CA3: variants seen among roughly 807,000 people sequenced by gnomAD.
The protein encoded by CA3 is CA-III.
In CA3, 30 loss-of-function variants were observed where a neutral mutation model predicts 35.7. That is an observed-to-expected ratio of 0.84 (90% CI 0.63 to 1.14). CA3 has a LOEUF of 1.14. Ranked by LOEUF, CA3 falls within the 50% of genes most tolerant of loss-of-function variation. The pLI is 0.00. For synonymous variants in CA3, 131 were observed against 130.8 expected (o/e 1.00, Z -0.01); for missense variants, 295 against 328.5 (o/e 0.90, Z 0.79).
At chr8:85,441,757 G>C in intron 2 of CA3, 1 of 315,442 alleles carries the variant, frequency 3.2e-6, no homozygotes, top group South Asian at 3.3e-5. Flanking sequence ...CCACACTACT[G>C]ACTTGTTCTT....
chr8:85,446,337 T>G (rs767377955), intron 6 of CA3, 40 bp downstream of exon 6: 29 of 1,591,522 alleles, frequency 1.8e-5, no homozygotes, highest in Non-Finnish European at 2.4e-5. Flanking sequence ...TGTTGCTGTC[T>G]GCCTATGTAA....
At chr8:85,440,174 T>C (rs771491606) in intron 2 of CA3, among the ~76,000 whole-genome samples, 1 of 152,180 alleles carries the variant, frequency 6.6e-6, no homozygotes, top group Non-Finnish European at 1.5e-5. Flanking sequence ...TGGAACACGA[T>C]AGGACAGAGA....
chr8:85,444,505 AG>A (rs1188643242), intron 4 of CA3, among the ~76,000 whole-genome samples: 1 of 152,166 alleles, frequency 6.6e-6, no homozygotes, highest in African/African-American at 2.4e-5. Context: ...CAGAAAAGTC[AG>A]TGTTGGGAAC....
intron 6 of CA3, among the ~76,000 whole-genome samples, chr8:85,447,639 T>A (rs1325377686): frequency 6.6e-6 from 1 of 152,258 alleles, no homozygotes; most frequent in Non-Finnish European, 1.5e-5. Flanking sequence ...GCTTAACGCC[T>A]GTAATCCCAG....
Position 85,448,219 on chromosome 8 carries a change from C to T in CA3, c.*66C>T, listed in dbSNP as rs2130513212. ...ATTGGAGAGCTTGGTTCCTTGCCTCCTTCTGGTGCTCCTTACTCCAAGTCT... is the reference window on the plus strand; with the variant it reads ...ATTGGAGAGCTTGGTTCCTTGCCTCTTTCTGGTGCTCCTTACTCCAAGTCT... On this transcript the variant is annotated 3_prime_UTR_variant, in exon 7 of 7. Transcript: ENST00000285381. 3 of 1,458,576 alleles carry T rather than the reference C, an allele frequency of 2.1e-6. No individual in the cohort carries two copies. The highest frequency in any genetic ancestry group is 2.7e-6 in the Non-Finnish European group (3 of 1,096,592). 90.4% of individuals were successfully genotyped at this position (1,458,576 alleles called of 1,614,324 possible). A position where few individuals can be genotyped will look rare whatever the true frequency, so the allele number is the denominator to read the frequency against.
chr8:85,446,321 G>A (rs977107028), intron 6 of CA3, 24 bp downstream of exon 6: 5 of 1,599,190 alleles, frequency 3.1e-6, no homozygotes, highest in Non-Finnish European at 4.3e-6. Context: ...TGAACACGTG[G>A]GCTTATGTTG....
chr8:85,445,703 G>T (rs1268922541), intron 5 of CA3, among the ~76,000 whole-genome samples: 1 of 151,870 alleles, frequency 6.6e-6, no homozygotes, highest in Admixed American at 6.6e-5. Context: ...TTTTTTTTCT[G>T]ACCGTTCTAA....
rs547527008 is a variant in CA3 at position 85,448,159 on chromosome 8, C to G, written c.*6C>G. The G allele has an allele frequency of 6.2e-7, 1 of 1,610,850 alleles. No individual in the cohort carries two copies. The highest frequency in any genetic ancestry group is 1.1e-5 in the South Asian group (1 of 90,106). On this transcript the variant is annotated 3_prime_UTR_variant, in exon 7 of 7. Transcript: ENST00000285381. ...TGAGAGCTTCCTTCAAATGAGGCTGCTGGATCTTGCCCTCTTCAGGAAAGG... is the reference window on the plus strand; with the variant it reads ...TGAGAGCTTCCTTCAAATGAGGCTGGTGGATCTTGCCCTCTTCAGGAAAGG...
rs1564069033 is a variant in CA3 at position 85,438,941 on chromosome 8, A to G, written c.32A>G (p.Asn11Ser). The change falls in exon 1 of 7, where the codon AAC becomes AGC. Residue 11 changes from asparagine (N) to serine (S), a missense_variant and splice_region_variant. Physicochemically the swap from Asn to Ser is conservative, Grantham distance 46. Transcript: ENST00000285381. ...AAGGAGTGGGGCTACGCCAGTCACA[A>G]CGGTGAGTGCAGGCAGCCGCGACCC... Reference protein sequence around the residue: MAKEWGYASHNGPDHWHELFP... With the variant: MAKEWGYASHSGPDHWHELFP... 6.4e-7 allele frequency: 1 copy of G among 1,551,102 alleles called. No homozygotes were observed. Among genetic ancestry groups the G allele is most frequent in the Non-Finnish European group, 8.7e-7 (1 of 1,146,978 alleles).
chr8:85,441,966 T>C (rs181564373), intron 2 of CA3, 107 bp from the exon 3 acceptor site: 1 of 731,146 alleles, frequency 1.4e-6, no homozygotes, highest in Non-Finnish European at 2.5e-6. Flanking sequence ...CCCAGCAAAC[T>C]GACCACATTT....
At chr8:85,447,470 C>T (rs1443973094) in intron 6 of CA3, among the ~76,000 whole-genome samples, 1 of 152,098 alleles carries the variant, frequency 6.6e-6, no homozygotes, top group African/African-American at 2.4e-5. Context: ...CCAGAGGGCA[C>T]AGTGATCCTG....
rs1811329539 is a variant in CA3 at position 85,448,755 on chromosome 8, A to G, written c.*602A>G. ...TTTTGATTACCAGTGAAAAGAAAAC[A>G]CAATACAATCAGGAGTTTTCAAATT... is the stretch of plus-strand genomic sequence containing the variant. On this transcript the variant is annotated 3_prime_UTR_variant, in exon 7 of 7. Coordinates refer to ENST00000285381, the MANE Select transcript of CA3 (RefSeq NM_005181.4). 6.6e-6 allele frequency: 1 copy of G among 152,272 alleles called. No individual in the cohort carries two copies. The highest frequency in any genetic ancestry group is 2.4e-5 in the African/African-American group (1 of 41,486). 9.4% of individuals were successfully genotyped at this position (152,272 alleles called of 1,614,324 possible).
chr8:85,443,910 C>T, intron 3 of CA3, 124 bp from the exon 4 acceptor site: 1 of 685,046 alleles, frequency 1.5e-6, no homozygotes, highest in Non-Finnish European at 2.6e-6. Context: ...TTCAAATTTT[C>T]TCAGCTTTTA....
At position 85,439,909 on chromosome 8, in the gene CA3, A is replaced by G. The variant is rs1811185860; in HGVS notation, c.232A>G (p.Met78Val). Residue 78 changes from methionine to valine, a missense_variant and splice_region_variant, in exon 2 of 7, where the codon ATG becomes GTG. By Grantham distance (21) the Met-to-Val change is conservative. Transcript: ENST00000285381. ...ATTTGATGATACTTATGATAGGTCA[A>G]GTAAGTATGACAATGAGGTAGAATC... ...VVFDDTYDRS[M>V]LRGGPLPGPY... The G allele has an allele frequency of 1.2e-6, 2 of 1,605,942 alleles. No homozygotes were observed. Among genetic ancestry groups the G allele is most frequent in the Non-Finnish European group, 1.7e-6 (2 of 1,175,336 alleles).
chr8:85,440,739 G>T (rs959127162), intron 2 of CA3, among the ~76,000 whole-genome samples: 1 of 152,060 alleles, frequency 6.6e-6, no homozygotes, highest in African/African-American at 2.4e-5. Context: ...ATACATAAAT[G>T]AACATTCTTA....
In CA3 at chr8:85,439,767, C is replaced by T. The variant is rs376175971; in HGVS notation, c.90C>T (p.Pro30=). 3.8e-5 allele frequency: 61 copies of T among 1,614,044 alleles called. No individual in the cohort carries two copies. The Middle Eastern group carries it at 8.3e-4, about 22-fold the overall frequency. ...ATGCCAAGGGGGAAAACCAGTCGCC[C>T]GTTGAGCTGCATACTAAAGACATCA... ...FPNAKGENQS[P]VELHTKDIRH... is the part of the protein sequence containing the mutation. The change falls in exon 2 of 7, where the codon CCC becomes CCT. Residue 30 remains proline, a synonymous_variant. Coordinates refer to ENST00000285381, the MANE Select transcript of CA3 (RefSeq NM_005181.4).
In CA3 at chr8:85,448,544, C is replaced by A. The variant is rs3087782; in HGVS notation, c.*391C>A. 30,116 of 155,508 alleles carry A rather than the reference C, an allele frequency of 0.19. 3,809 individuals are homozygous for A. The highest frequency in any genetic ancestry group is 0.5 in the East Asian group (2,670 of 5,312). 9.6% of individuals were successfully genotyped at this position (155,508 alleles called of 1,614,324 possible). A position where few individuals can be genotyped will look rare whatever the true frequency, so the allele number is the denominator to read the frequency against. On this transcript the variant is annotated 3_prime_UTR_variant, in exon 7 of 7. Transcript: ENST00000285381. ...TTTTATTTTTATATTATGAGTTGTCCATCTTAAAGAAATATGAGTAATTCT... is the reference window on the plus strand; with the variant it reads ...TTTTATTTTTATATTATGAGTTGTCAATCTTAAAGAAATATGAGTAATTCT...
At chr8:85,447,898 C>T in intron 6 of CA3, 136 bp from the exon 7 acceptor site, 1 of 831,900 alleles carries the variant, frequency 1.2e-6, no homozygotes, top group Non-Finnish European at 1.8e-6. Flanking sequence ...GACTCTGTCT[C>T]AAAAACAAAC....
intron 5 of CA3, among the ~76,000 whole-genome samples, chr8:85,445,483 T>G (rs1239419472): frequency 6.6e-6 from 1 of 150,738 alleles, no homozygotes. Flanking sequence ...AGAAGTTGAG[T>G]GGTCACCGCA....
Sources: allele counts gnomAD v4.1 joint callset (sites outside exome capture counted in the v4.1 genomes callset), GRCh38; gene constraint gnomAD v4.1.1; transcripts MANE v1.5; gene names NCBI Gene and HGNC (gene_info 2026-07-23, HGNC 2026-07-21).